The following HHIP variants were observed in gnomAD, a reference collection of about 807,000 sequenced individuals.
HHIP encodes the protein hedgehog-interacting protein.
In HHIP, 12 loss-of-function variants were observed where a neutral mutation model predicts 74.0. The ratio of observed to expected loss-of-function variants is 0.16; its 90% CI spans 0.10 to 0.26. The LOEUF (loss-of-function observed/expected upper bound fraction) is 0.26. HHIP is among the 10% of genes least tolerant of loss of function. HHIP has a pLI of 1.00. For synonymous variants in HHIP, 309 were observed against 311.6 expected (o/e 0.99, Z 0.09); for missense variants, 788 against 845.0 (o/e 0.93, Z 0.84).
At chr4:144,700,854 G>A (rs1262743643) in intron 4 of HHIP, among the ~76,000 whole-genome samples, 3 of 152,144 alleles carry the variant, frequency 2.0e-5, no homozygotes, top group Non-Finnish European at 2.9e-5. Flanking sequence ...AATTTTCATA[G>A]CAGCAATAGA....
rs570153512 is a variant in HHIP at position 144,742,833 on chromosome 4, TTATA to T, written c.*4884_*4887del. 1 of 141,904 alleles carries T rather than the reference TTATA, an allele frequency of 7.0e-6. No homozygotes were observed. Among genetic ancestry groups the T allele is most frequent in the East Asian group, 2.0e-4 (1 of 5,112 alleles). The allele number at this position is 141,904 out of a possible 1,614,324, so 8.8% of individuals were successfully genotyped here. ...TATATATATGGTTATATATATTTGGTTATATATATATCTTTATATATATATCTTA... is the reference window on the plus strand; with the variant it reads ...TATATATATGGTTATATATATTTGGTTATATATCTTTATATATATATCTTA... On this transcript the variant is annotated 3_prime_UTR_variant, in exon 13 of 13. Coordinates refer to ENST00000296575, the MANE Select transcript of HHIP (RefSeq NM_022475.3).
intron 8 of HHIP, among the ~76,000 whole-genome samples, chr4:144,712,894 G>A (rs2126662154): frequency 6.7e-6 from 1 of 149,306 alleles, no homozygotes; most frequent in South Asian, 2.2e-4. Flanking sequence ...AGGTGTGTGT[G>A]TGTGTGTGTG....
chr4:144,664,858 A>G (rs1429797444), intron 4 of HHIP, among the ~76,000 whole-genome samples: 1 of 152,250 alleles, frequency 6.6e-6, no homozygotes, highest in Admixed American at 6.5e-5. Flanking sequence ...ATTACTGCTC[A>G]GAAGTCATAA....
chr4:144,719,617 T>G (rs1730573663), intron 11 of HHIP, among the ~76,000 whole-genome samples: 1 of 152,216 alleles, frequency 6.6e-6, no homozygotes. Flanking sequence ...TCATCAATAG[T>G]CAGTTGTTAA....
chr4:144,735,791 A>G (rs748181977), intron 12 of HHIP, among the ~76,000 whole-genome samples: 7 of 152,196 alleles, frequency 4.6e-5, no homozygotes, highest in Non-Finnish European at 7.3e-5. Flanking sequence ...TATAACTATA[A>G]CTTGTCTATT....
intron 11 of HHIP, among the ~76,000 whole-genome samples, chr4:144,722,390 A>G (rs1387444975): frequency 2.0e-5 from 3 of 152,302 alleles, no homozygotes; most frequent in Admixed American, 6.5e-5. Context: ...GCTGCATTCT[A>G]CAGAGGGCTG....
rs1731283988 is a variant in HHIP at position 144,742,556 on chromosome 4, T to C, written c.*4599T>C. 6.6e-6 allele frequency: 1 copy of C among 151,796 alleles called. No individual in the cohort carries two copies. Among genetic ancestry groups the C allele is most frequent in the Non-Finnish European group, 1.5e-5 (1 of 67,910 alleles). The allele number at this position is 151,796 out of a possible 1,614,324, so 9.4% of individuals were successfully genotyped here. ...TCTGTGAGGAAAAAATAAGAAGCAG[T>C]TCCTCAATGGAGACTTTATAAATCT... On this transcript the variant is annotated 3_prime_UTR_variant, in exon 13 of 13. Coordinates refer to ENST00000296575, the MANE Select transcript of HHIP (RefSeq NM_022475.3).
rs1731326179 is a variant in HHIP, at chr4:144,743,958, T to A, written c.*6001T>A. Reference sequence around the variant, plus strand: ...TTCTTAAAATCTGAGACATGATTTTTCTGGAACAAATTAAGATTTCATGTA... The same window carrying A: ...TTCTTAAAATCTGAGACATGATTTTACTGGAACAAATTAAGATTTCATGTA... On this transcript the variant is annotated 3_prime_UTR_variant, in exon 13 of 13. Transcript: ENST00000296575. 1 of 152,140 alleles carries A rather than the reference T, an allele frequency of 6.6e-6. No individual in the cohort carries two copies. The highest frequency in any genetic ancestry group is 2.1e-4 in the South Asian group (1 of 4,830). The allele number at this position is 152,140 out of a possible 1,614,324, so 9.4% of individuals were successfully genotyped here.
intron 4 of HHIP, among the ~76,000 whole-genome samples, chr4:144,691,854 A>T (rs1045857205): frequency 3.9e-5 from 6 of 152,064 alleles, no homozygotes; most frequent in Non-Finnish European, 5.9e-5. Flanking sequence ...AAAAACAAAC[A>T]CTATATCCAA....
At chr4:144,647,002 G>C (rs1314223109) in intron 1 of HHIP, 48 bp downstream of exon 1, 1 of 1,516,404 alleles carries the variant, frequency 6.6e-7, no homozygotes, top group Admixed American at 2.1e-5. Context: ...TATTGGCTGG[G>C]TGGGGTTCCC....
chr4:144,676,325 C>T (rs1729168003), intron 4 of HHIP, among the ~76,000 whole-genome samples: 1 of 152,060 alleles, frequency 6.6e-6, no homozygotes, highest in African/African-American at 2.4e-5. Context: ...AATTTTGAAA[C>T]AAATTTGAAA....
chr4:144,648,382 A>G (rs1473510155), intron 1 of HHIP: 3 of 151,956 alleles, frequency 2.0e-5, no homozygotes, highest in Admixed American at 2.0e-4. Flanking sequence ...CATTTGTCCA[A>G]CTCCTTCTAT....
chr4:144,646,604 C>A lies in HHIP; in HGVS notation c.-72C>A. 2.0e-6 allele frequency: 3 copies of A among 1,502,788 alleles called. No individual in the cohort carries two copies. Among genetic ancestry groups the A allele is most frequent in the Non-Finnish European group, 1.8e-6 (2 of 1,104,542 alleles). The allele number at this position is 1,502,788 out of a possible 1,614,324, so 93.1% of individuals were successfully genotyped here. A position where few individuals can be genotyped will look rare whatever the true frequency, so the allele number is the denominator to read the frequency against. ...CGCAAACTCCTCCTGGAGCTGCGCC[C>A]TAGTGCCCCTGCTGGGCAGTGGCGT... On this transcript the variant is annotated 5_prime_UTR_variant, in exon 1 of 13. Coordinates refer to ENST00000296575, the MANE Select transcript of HHIP (RefSeq NM_022475.3).
At chr4:144,731,589 T>A (rs2126687069) in intron 11 of HHIP, among the ~76,000 whole-genome samples, 1 of 152,132 alleles carries the variant, frequency 6.6e-6, no homozygotes, top group Admixed American at 6.5e-5. Flanking sequence ...CCAGCTAATT[T>A]TTGTATTTTT....
At position 144,652,760 on chromosome 4, in the gene HHIP, C is replaced by T. The variant is rs929496450; in HGVS notation, c.435C>T (p.Cys145=). The change falls in exon 2 of 13, where the codon TGC becomes TGT. Residue 145 remains cysteine (C), a synonymous_variant. Transcript: ENST00000296575. ...LVLPLLCKDY[C]KEFFYTCRGH... is the part of the protein sequence containing the mutation. ...TTCCTCTGCTCTGCAAAGACTATTG[C>T]AAAGAATTCTTTTACACTTGCCGAG... The T allele has an allele frequency of 2.5e-6, 4 of 1,600,380 alleles. No individual in the cohort carries two copies. The highest frequency in any genetic ancestry group is 3.4e-6 in the Non-Finnish European group (4 of 1,176,228).
rs1731283409 is a variant in HHIP at position 144,742,509 on chromosome 4, AT to A, written c.*4556del. On this transcript the variant is annotated 3_prime_UTR_variant, in exon 13 of 13. Coordinates refer to ENST00000296575, the MANE Select transcript of HHIP (RefSeq NM_022475.3). ...AAGGAACAACCTTCTCTATGGAATA[AT>A]TTTAAGAAAATTATTCCAAATCTGT... 1 of 152,088 alleles carries A rather than the reference AT, an allele frequency of 6.6e-6. No individual in the cohort carries two copies. Among genetic ancestry groups the A allele is most frequent in the South Asian group, 2.1e-4 (1 of 4,828 alleles). The allele number at this position is 152,088 out of a possible 1,614,324, so 9.4% of individuals were successfully genotyped here. A position where few individuals can be genotyped will look rare whatever the true frequency, so the allele number is the denominator to read the frequency against.
intron 4 of HHIP, among the ~76,000 whole-genome samples, chr4:144,675,113 A>G: frequency 6.6e-6 from 1 of 152,346 alleles, no homozygotes; most frequent in East Asian, 1.9e-4. Flanking sequence ...ATTTATTTCT[A>G]TACTTTAATT....
intron 11 of HHIP, among the ~76,000 whole-genome samples, chr4:144,721,156 A>G (rs1730622772): frequency 6.6e-6 from 1 of 152,218 alleles, no homozygotes; most frequent in Non-Finnish European, 1.5e-5. Context: ...ACTTTCAAAC[A>G]TCAGTTGATT....
At chr4:144,659,975 C>T in intron 4 of HHIP, 137 bp downstream of exon 4, 1 of 643,736 alleles carries the variant, frequency 1.6e-6, no homozygotes, top group Non-Finnish European at 2.7e-6. Context: ...ACATAAGAAA[C>T]AATAATTATG....
Sources: gnomAD v4.1 joint callset for allele counts (sites outside exome capture counted in the v4.1 genomes callset) on GRCh38, gnomAD v4.1.1 for gene constraint, MANE v1.5 for transcripts, NCBI Gene and HGNC (gene_info 2026-07-23, HGNC 2026-07-21) for gene names.